C17orf67: variants seen among roughly 807,000 people sequenced by gnomAD.
C17orf67 encodes uncharacterized protein C17orf67.
Under a neutral mutation model 11.2 loss-of-function variants are expected in C17orf67, and 12 were observed. The ratio of observed to expected loss-of-function variants is 1.07; its 90% confidence interval spans 0.68 to 1.73. The LOEUF is 1.73. C17orf67 is among the 40% of genes most tolerant of loss of function. C17orf67 has a pLI of 0.00. For missense variants in C17orf67, 115 were observed against 113.5 expected, an observed-to-expected ratio of 1.01 and a Z score of -0.06; for synonymous variants, 59 against 46.9, an observed-to-expected ratio of 1.26 and a Z score of -1.05.
chr17:56,814,785 A>G, intron 6 of C17orf67, 84 bp downstream of exon 6: 1 of 1,312,914 alleles, frequency 7.6e-7, no homozygotes, highest in South Asian at 1.2e-5. Context: ...CTAGCAGCCC[A>G]TGCTGGGACC....
At chr17:56,810,013 C>T (rs1256520941) in intron 6 of C17orf67, among the ~76,000 whole-genome samples, 2 of 142,062 alleles carry the variant, frequency 1.4e-5, no homozygotes, top group African/African-American at 5.3e-5. Context: ...CCCAGACATC[C>T]CTCATACACC....
chr17:56,808,431 C>T (rs1407716449), intron 6 of C17orf67, among the ~76,000 whole-genome samples: 1 of 152,194 alleles, frequency 6.6e-6, no homozygotes, highest in Non-Finnish European at 1.5e-5. Context: ...ACGCTACCTC[C>T]ATATGCTGCC....
At position 56,814,883 on chromosome 17, in the gene C17orf67, C is replaced by T. The variant is rs371206277; in HGVS notation, c.142G>A (p.Asp48Asn). The change falls in exon 6 of 8, where the codon GAT becomes AAT. Residue 48 changes from aspartate (D) to asparagine (N), a missense_variant. Physicochemically the swap from Asp to Asn is conservative, Grantham distance 23 (BLOSUM62 1). Transcript: ENST00000397861. Reference protein sequence around the residue: ...QDRPSKPGFPDEPMREYMHHL... With the variant: ...QDRPSKPGFPNEPMREYMHHL... The stretch of plus-strand genomic sequence containing the variant: ...AAAGCACTCACCCGCATTGGCTCAT[C>T]GGGGAATCCGGGTTTGCTTGGTCTA... The T allele has an allele frequency of 3.1e-6, 5 of 1,614,024 alleles. No individual in the cohort carries two copies. The East Asian group carries it at 6.7e-5, about 22-fold the overall frequency.
chr17:56,826,720 A>T (rs1353503161), intron 2 of C17orf67, among the ~76,000 whole-genome samples: 1 of 152,230 alleles, frequency 6.6e-6, no homozygotes, highest in Non-Finnish European at 1.5e-5. Flanking sequence ...AATAAGAGAA[A>T]GTCTTTCTTT....
chr17:56,826,318 C>T (rs1314916682), intron 2 of C17orf67, among the ~76,000 whole-genome samples: 1 of 152,178 alleles, frequency 6.6e-6, no homozygotes, highest in South Asian at 2.1e-4. Flanking sequence ...AAGCGTTCTG[C>T]ATCAGCTAGG....
chr17:56,827,274 A>G (rs1309607830), intron 2 of C17orf67, among the ~76,000 whole-genome samples: 1 of 152,260 alleles, frequency 6.6e-6, no homozygotes, highest in Non-Finnish European at 1.5e-5. Context: ...TTTTATTTAC[A>G]AATTTCTCCC....
At chr17:56,824,291 T>C (rs748695957) in intron 4 of C17orf67, among the ~76,000 whole-genome samples, 8 of 152,244 alleles carry the variant, frequency 5.3e-5, no homozygotes, top group Non-Finnish European at 8.8e-5. Context: ...CTTCAGCTTT[T>C]TGTTCATGTT....
At chr17:56,795,905 C>T (rs1044024775) in intron 6 of C17orf67, among the ~76,000 whole-genome samples, 2 of 152,132 alleles carry the variant, frequency 1.3e-5, no homozygotes, top group African/African-American at 4.8e-5. Flanking sequence ...CAAGTAACTA[C>T]ATTTATAGTG....
intron 6 of C17orf67, among the ~76,000 whole-genome samples, chr17:56,809,956 TCA>T (rs1905568051): frequency 9.5e-6 from 1 of 105,422 alleles, no homozygotes; most frequent in Admixed American, 1.0e-4. Flanking sequence ...CACATACTCC[TCA>T]CTCACCTCAC....
intron 2 of C17orf67, among the ~76,000 whole-genome samples, chr17:56,831,700 T>C (rs925203726): frequency 3.3e-5 from 5 of 152,142 alleles, no homozygotes; most frequent in African/African-American, 1.2e-4. Flanking sequence ...CTGTTCCCAT[T>C]AGGGGACTTG....
At chr17:56,811,968 C>G (rs117823210) in intron 6 of C17orf67, among the ~76,000 whole-genome samples, 4,515 of 152,328 alleles carry the variant, frequency 0.03, 102 homozygotes, top group Middle Eastern at 0.1. Context: ...GGGGCTTTGG[C>G]CCCATCCCCC....
At chr17:56,804,463 C>T (rs1905398297) in intron 6 of C17orf67, among the ~76,000 whole-genome samples, 1 of 152,196 alleles carries the variant, frequency 6.6e-6, no homozygotes, top group East Asian at 1.9e-4. Flanking sequence ...ATACTGAAGG[C>T]TCCGTCCTAA....
At chr17:56,827,630 G>C (rs1424025445) in intron 2 of C17orf67, among the ~76,000 whole-genome samples, 1 of 152,242 alleles carries the variant, frequency 6.6e-6, no homozygotes, top group African/African-American at 2.4e-5. Context: ...GTGTCATGGA[G>C]GGGCTGCGAT....
At chr17:56,795,380 G>A (rs1905193653) in intron 6 of C17orf67, 200 bp from the exon 7 acceptor site, 1 of 577,116 alleles carries the variant, frequency 1.7e-6, no homozygotes, top group Admixed American at 3.0e-5. Flanking sequence ...AAAGAAGTCT[G>A]ACAATACTAA....
At chr17:56,829,767 T>C (rs1906142059) in intron 2 of C17orf67, among the ~76,000 whole-genome samples, 1 of 152,240 alleles carries the variant, frequency 6.6e-6, no homozygotes, top group South Asian at 2.1e-4. Flanking sequence ...TTCTCTCTCA[T>C]TAGCAGCAAA....
At chr17:56,808,016 C>G (rs1335964735) in intron 6 of C17orf67, among the ~76,000 whole-genome samples, 1 of 152,168 alleles carries the variant, frequency 6.6e-6, no homozygotes, top group Non-Finnish European at 1.5e-5. Context: ...TTCCAGCCTT[C>G]GGAGAGGGTT....
Position 56,825,599 on chromosome 17 carries a change from G to T in C17orf67, c.-556-278C>A, listed in dbSNP as rs142431885. Among the ~76,000 whole-genome samples the T allele has an allele frequency of 2.6e-3, 389 of 151,894 alleles. 1 individual carries two copies. Among genetic ancestry groups the T allele is most frequent in the African/African-American group, 8.8e-3 (363 of 41,414 alleles). ...ATCTAAGGAAATAACCCTAAACAAA[G>T]GAATTATTTATAATAGCAAAATATT... is the stretch of plus-strand genomic sequence containing the variant. On this transcript the variant is annotated intron_variant, in intron 2 of 7. Coordinates refer to ENST00000397861, the MANE Select transcript of C17orf67 (RefSeq NM_001085430.4).
chr17:56,812,819 G>C (rs1168592273), intron 6 of C17orf67, among the ~76,000 whole-genome samples: 1 of 152,166 alleles, frequency 6.6e-6, no homozygotes, highest in Non-Finnish European at 1.5e-5. Flanking sequence ...AAAGCAAACA[G>C]AGGAGAAGCT....
chr17:56,807,473 G>A (rs939659266), intron 6 of C17orf67, among the ~76,000 whole-genome samples: 1 of 152,170 alleles, frequency 6.6e-6, no homozygotes, highest in Non-Finnish European at 1.5e-5. Context: ...GTATGGAGAG[G>A]AGCCTGGGTC....
Sources: gnomAD v4.1 joint callset for allele counts (sites outside exome capture counted in the v4.1 genomes callset) on GRCh38, gnomAD v4.1.1 for gene constraint, MANE v1.5 for transcripts, NCBI Gene and HGNC (gene_info 2026-07-23, HGNC 2026-07-21) for gene names.